Variants in MAP6 observed in about 807,000 individuals in gnomAD.
MAP6 encodes the protein microtubule-associated protein 6.
In MAP6, 26 loss-of-function variants were observed where a neutral mutation model predicts 42.4. The observed-to-expected ratio is 0.61, with a 90% CI of 0.45 to 0.85. MAP6 has a LOEUF of 0.85. Ranked by LOEUF, MAP6 falls within the 40% of genes least tolerant of loss-of-function variation. The pLI, the probability that MAP6 is intolerant of heterozygous loss-of-function variation, is 0.00. For missense variants in MAP6, 966 were observed against 1,099.0 expected, an observed-to-expected ratio of 0.88 and a Z score of 1.71; for synonymous variants, 418 against 443.8, an observed-to-expected ratio of 0.94 and a Z score of 0.73.
At chr11:75,663,190 A>G (rs768773252) in intron 1 of MAP6, among the ~76,000 whole-genome samples, 1 of 151,896 alleles carries the variant, frequency 6.6e-6, no homozygotes, top group Non-Finnish European at 1.5e-5. Context: ...CATGTTGGTC[A>G]GGCTTGTCTC....
chr11:75,661,731 G>C (rs923508528), intron 1 of MAP6, among the ~76,000 whole-genome samples: 1 of 151,946 alleles, frequency 6.6e-6, no homozygotes, highest in Non-Finnish European at 1.5e-5. Context: ...CATACTTAAT[G>C]ATAAAACTTT....
intron 3 of MAP6, among the ~76,000 whole-genome samples, chr11:75,590,453 A>G (rs1387086418): frequency 6.6e-6 from 1 of 152,100 alleles, no homozygotes; most frequent in Non-Finnish European, 1.5e-5. Flanking sequence ...CAGGAAGTAC[A>G]TTTCCTTGGA....
chr11:75,664,737 A>G (rs1253702192), intron 1 of MAP6, among the ~76,000 whole-genome samples: 1 of 152,254 alleles, frequency 6.6e-6, no homozygotes, highest in East Asian at 1.9e-4. Flanking sequence ...AATGTGAGAC[A>G]ATAGGGAAGG....
chr11:75,653,166 G>A (rs761133379), intron 1 of MAP6, among the ~76,000 whole-genome samples: 9 of 152,158 alleles, frequency 5.9e-5, no homozygotes, highest in African/African-American at 1.2e-4. Flanking sequence ...CAATTCACTC[G>A]CCGAGAGTCA....
intron 1 of MAP6, among the ~76,000 whole-genome samples, chr11:75,645,207 G>A (rs916365078): frequency 1.3e-5 from 2 of 152,180 alleles, no homozygotes; most frequent in Non-Finnish European, 2.9e-5. Context: ...GCAAGGAGAA[G>A]AGACCTGGCC....
chr11:75,636,486 G>A (rs1943371719), intron 1 of MAP6, among the ~76,000 whole-genome samples: 1 of 152,130 alleles, frequency 6.6e-6, no homozygotes, highest in Admixed American at 6.5e-5. Flanking sequence ...GGCATCTGGG[G>A]CCTTAGTGAT....
At chr11:75,595,648 C>T (rs1034229714) in intron 3 of MAP6, among the ~76,000 whole-genome samples, 1 of 152,210 alleles carries the variant, frequency 6.6e-6, no homozygotes. Flanking sequence ...ACCTCTACTC[C>T]GTAACTGAAG....
chr11:75,612,956 T>A (rs1275520052), intron 1 of MAP6, among the ~76,000 whole-genome samples: 1 of 152,192 alleles, frequency 6.6e-6, no homozygotes, highest in Non-Finnish European at 1.5e-5. Flanking sequence ...TCTGTCTCTC[T>A]TAAAGGATAA....
At chr11:75,662,351 T>A (rs1027768314) in intron 1 of MAP6, among the ~76,000 whole-genome samples, 3 of 152,222 alleles carry the variant, frequency 2.0e-5, no homozygotes, top group Non-Finnish European at 4.4e-5. Flanking sequence ...TGTGTATATA[T>A]ATGAGTATAT....
chr11:75,642,880 G>A, intron 1 of MAP6: 1 of 494,366 alleles, frequency 2.0e-6, no homozygotes, highest in South Asian at 1.5e-5. Flanking sequence ...AGCTGTTGCA[G>A]CATCCAGTTC....
chr11:75,665,473 G>A (rs1943931461), intron 1 of MAP6, among the ~76,000 whole-genome samples: 1 of 152,224 alleles, frequency 6.6e-6, no homozygotes, highest in African/African-American at 2.4e-5. Flanking sequence ...GCATGGTGGT[G>A]AGAAGAGACA....
chr11:75,665,283 T>C (rs910177626), intron 1 of MAP6, among the ~76,000 whole-genome samples: 2 of 152,206 alleles, frequency 1.3e-5, no homozygotes, highest in African/African-American at 4.8e-5. Flanking sequence ...AAAAAGGCTA[T>C]ATGGAACAAG....
Position 75,587,022 on chromosome 11 carries a change from C to CT in MAP6, c.*36dup, listed in dbSNP as rs1942363137. ...TGCCCCTGGGAGGGGAGCACTCTCA[C>CT]TGTCAGCTCCTTCATTGGTGTGTCA... is the stretch of plus-strand genomic sequence containing the variant. On this transcript the variant is annotated 3_prime_UTR_variant, in exon 4 of 4. Transcript: ENST00000304771. 6.6e-7 allele frequency: 1 copy of CT among 1,525,784 alleles called. No homozygotes were observed. Among genetic ancestry groups the CT allele is most frequent in the Non-Finnish European group, 8.8e-7 (1 of 1,136,782 alleles). 94.5% of individuals were successfully genotyped at this position (1,525,784 alleles called of 1,614,324 possible).
chr11:75,587,676 T>C lies in MAP6; in HGVS notation c.1825A>G (p.Ile609Val). 6.2e-7 allele frequency: 1 copy of C among 1,613,660 alleles called. No homozygotes were observed. Among genetic ancestry groups the C allele is most frequent in the Non-Finnish European group, 8.5e-7 (1 of 1,179,856 alleles). The change falls in exon 4 of 4, where the codon ATA becomes GTA. Residue 609 changes from isoleucine (I) to valine (V), a missense_variant. Around this residue, in one of 2 missense-constraint regions of MAP6, gnomAD observed 943 missense variants for 1,049.9 expected, o/e 0.90. Coordinates refer to ENST00000304771, the MANE Select transcript of MAP6 (RefSeq NM_033063.2). ...VSAPVKDQGP[I>V]VPAPVKGEGP... The stretch of plus-strand genomic sequence containing the variant: ...TCACCCTTGACAGGTGCTGGGACTA[T>C]GGGACCTTGATCCTTGACAGGTGCT...
rs770751008 is a variant in MAP6, at chr11:75,587,384, C to T, written c.2117G>A (p.Gly706Asp). The part of the protein sequence containing the change: ...SAVVAPVKNQ[G>D]PVVPESVKNQ... ...CTTCACGGACTCGGGGACCACAGGA[C>T]CTTGATTCTTTACAGGTGCCACAAC... The change falls in exon 4 of 4, where the codon GGT becomes GAT. Residue 706 changes from glycine to aspartate, a missense_variant. Physicochemically the swap from Gly to Asp is moderately conservative, Grantham distance 94. Coordinates refer to ENST00000304771, the MANE Select transcript of MAP6 (RefSeq NM_033063.2). 1 of 1,614,090 alleles carries T rather than the reference C, an allele frequency of 6.2e-7. No homozygotes were observed. The highest frequency in any genetic ancestry group is 8.5e-7 in the Non-Finnish European group (1 of 1,180,006).
chr11:75,608,372 G>GCAGA (rs773737876), intron 1 of MAP6, 50 bp from the exon 2 acceptor site: 39 of 1,469,792 alleles, frequency 2.7e-5, no homozygotes, highest in Non-Finnish European at 7.6e-6. Flanking sequence ...CTGCCTGGAA[G>GCAGA]CAGAGCTCCT....
At chr11:75,588,516 C>A (rs995478772) in intron 3 of MAP6, among the ~76,000 whole-genome samples, 28 of 152,260 alleles carry the variant, frequency 1.8e-4, no homozygotes, top group African/African-American at 6.3e-4. Context: ...GCCCGTCCAC[C>A]CCACATTCCA....
intron 1 of MAP6, among the ~76,000 whole-genome samples, chr11:75,658,899 C>T (rs749610600): frequency 6.6e-6 from 1 of 152,192 alleles, no homozygotes; most frequent in Non-Finnish European, 1.5e-5. Context: ...TCAAATCAGG[C>T]AGACTTAACC....
At chr11:75,607,171 A>C (rs920720068) in intron 2 of MAP6, 68 of 944,008 alleles carry the variant, frequency 7.2e-5, no homozygotes, top group Non-Finnish European at 7.9e-5. Flanking sequence ...TTCAGTGCTA[A>C]AATGGAAGAA....
Sources: allele counts gnomAD v4.1 joint callset (sites outside exome capture counted in the v4.1 genomes callset), GRCh38; gene constraint gnomAD v4.1.1; regional missense constraint gnomAD v4.1.1; transcripts MANE v1.5; gene names NCBI Gene and HGNC (gene_info 2026-07-23, HGNC 2026-07-21).